The following SENP6 variants were observed in gnomAD, a reference collection of about 807,000 sequenced individuals.
The protein encoded by SENP6 is SUMO specific peptidase 6.
Under a neutral mutation model 134.5 loss-of-function variants are expected in SENP6, and 41 were observed. The observed-to-expected ratio is 0.30, with a 90% CI of 0.24 to 0.40. The LOEUF (loss-of-function observed/expected upper bound fraction) is 0.40. Ranked by LOEUF, SENP6 falls within the 10% of genes least tolerant of loss-of-function variation. The probability of loss-of-function intolerance (pLI) is 1.00; values close to 1 mark genes in which losing one functional copy is unlikely to be tolerated. For synonymous variants in SENP6, 395 were observed against 429.8 expected, an observed-to-expected ratio of 0.92 and a Z score of 1.00; for missense variants, 1,248 against 1,312.5, an observed-to-expected ratio of 0.95 and a Z score of 0.76.
Position 75,602,192 on chromosome 6 carries a change from A to G in SENP6, c.-333A>G. On this transcript the variant is annotated 5_prime_UTR_variant, in exon 1 of 24. Coordinates refer to ENST00000447266, the MANE Select transcript of SENP6 (RefSeq NM_015571.4). Reference sequence around the variant, plus strand: ...CACGGCTGGGGGAAGTTTCTCAGGCAGCCTGGGTGGGCGGTGGATGGGGAG... The same window carrying G: ...CACGGCTGGGGGAAGTTTCTCAGGCGGCCTGGGTGGGCGGTGGATGGGGAG... 1 of 269,476 alleles carries G rather than the reference A, an allele frequency of 3.7e-6. No individual in the cohort carries two copies. The allele number at this position is 269,476 out of a possible 1,614,324, so 16.7% of individuals were successfully genotyped here.
chr6:75,635,191 A>G, intron 5 of SENP6: 1 of 230,096 alleles, frequency 4.3e-6, no homozygotes, highest in Non-Finnish European at 8.8e-6. Context: ...ATAAGAGTTC[A>G]TAGCATCAAA....
chr6:75,608,057 T>TA (rs1243432485), intron 1 of SENP6, among the ~76,000 whole-genome samples: 7 of 152,228 alleles, frequency 4.6e-5, no homozygotes, highest in Non-Finnish European at 8.8e-5. Context: ...ACTCCTTACT[T>TA]AAGTATGTTT....
At chr6:75,622,798 T>C in intron 2 of SENP6, 1 of 1,289,190 alleles carries the variant, frequency 7.8e-7, no homozygotes, top group Non-Finnish European at 1.0e-6. Context: ...ATTACCACTT[T>C]ATGTGCCTTC....
At position 75,630,730 on chromosome 6, in the gene SENP6, T is replaced by G. The variant is rs143377348; in HGVS notation, c.208-2851T>G. Among the ~76,000 whole-genome samples the G allele has an allele frequency of 2.1e-3, 315 of 152,270 alleles. 1 individual carries two copies. Among genetic ancestry groups the G allele is most frequent in the African/African-American group, 7.1e-3 (297 of 41,570 alleles). On this transcript the variant is annotated intron_variant, in intron 3 of 23. Coordinates refer to ENST00000447266, the MANE Select transcript of SENP6 (RefSeq NM_015571.4). The stretch of plus-strand genomic sequence containing the variant: ...TGGGCTTCTGCAGTTTCACTGTGCT[T>G]CTTTTAAGGGATTTATATCTTTTGT...
intron 16 of SENP6, among the ~76,000 whole-genome samples, chr6:75,683,179 T>A (rs1054224367): frequency 1.8e-4 from 28 of 152,240 alleles, no homozygotes; most frequent in African/African-American, 6.8e-4. Context: ...CATTTTTTCA[T>A]GTGTCTGTTC....
intron 1 of SENP6, among the ~76,000 whole-genome samples, chr6:75,612,157 T>C (rs1582659277): frequency 6.6e-6 from 1 of 152,098 alleles, no homozygotes; most frequent in Non-Finnish European, 1.5e-5. Context: ...GGAAGTTCCA[T>C]GTCTGCAGTC....
chr6:75,603,615 A>G (rs1383623270), intron 1 of SENP6, among the ~76,000 whole-genome samples: 1 of 152,226 alleles, frequency 6.6e-6, no homozygotes, highest in African/African-American at 2.4e-5. Context: ...AAGAAAGTAC[A>G]ATTTAACTTA....
intron 9 of SENP6, among the ~76,000 whole-genome samples, chr6:75,663,825 G>T (rs866846650): frequency 2.7e-5 from 4 of 149,068 alleles, no homozygotes; most frequent in Admixed American, 6.6e-5. Context: ...TTTTTGTGGG[G>T]GGGGGGGTGC....
chr6:75,717,582 C>A lies in SENP6; in HGVS notation c.*1988C>A, dbSNP rs973742646. 2 of 152,018 alleles carry A rather than the reference C, an allele frequency of 1.3e-5. No individual in the cohort carries two copies. The highest frequency in any genetic ancestry group is 2.1e-4 in the South Asian group (1 of 4,832). The allele number at this position is 152,018 out of a possible 1,614,324, so 9.4% of individuals were successfully genotyped here. A position where few individuals can be genotyped will look rare whatever the true frequency, so the allele number is the denominator to read the frequency against. On this transcript the variant is annotated 3_prime_UTR_variant, in exon 24 of 24. Transcript: ENST00000447266. ...GTGACATTGCAATATATATTGAAAT[C>A]TTCGGAGGCTGCCAGGTTGAGCTTC...
chr6:75,636,859 A>AT (rs1025353740), intron 5 of SENP6, among the ~76,000 whole-genome samples: 12 of 147,040 alleles, frequency 8.2e-5, no homozygotes, highest in Admixed American at 7.8e-4. Context: ...AAATTTTCTT[A>AT]TTTTCTGAAG....
At chr6:75,617,335 G>GT (rs1411498357) in intron 1 of SENP6, among the ~76,000 whole-genome samples, 2 of 134,056 alleles carry the variant, frequency 1.5e-5, no homozygotes, top group Non-Finnish European at 3.1e-5. Flanking sequence ...GTGCAATGGC[G>GT]TGATCTTGGC....
At chr6:75,666,183 GATATATATAAAACGTATATATGAT>G (rs1217642295) in intron 9 of SENP6, among the ~76,000 whole-genome samples, 14 of 83,656 alleles carry the variant, frequency 1.7e-4, no homozygotes, top group Non-Finnish European at 4.5e-4. Flanking sequence ...ACGTATATAT[GATATATATAAAACGTATATATGAT>G]ATATATAAGT....
Position 75,626,796 on chromosome 6 carries a change from G to A in SENP6, c.207+2836G>A, listed in dbSNP as rs148096914. Reference sequence around the variant, plus strand: ...ATTTCCCTGTAATCTTGCAAAATATGTAGTCATACTTGAATTTTTGCTGAT... The same window carrying A: ...ATTTCCCTGTAATCTTGCAAAATATATAGTCATACTTGAATTTTTGCTGAT... On this transcript the variant is annotated intron_variant, in intron 3 of 23. Coordinates refer to ENST00000447266, the MANE Select transcript of SENP6 (RefSeq NM_015571.4). Among the ~76,000 whole-genome samples, 80 of 152,180 alleles carry A rather than the reference G, an allele frequency of 5.3e-4. 1 individual carries two copies. Among genetic ancestry groups the A allele is most frequent in the Middle Eastern group, 3.4e-3 (1 of 294 alleles).
chr6:75,635,700 G>A (rs1343722068), intron 5 of SENP6, among the ~76,000 whole-genome samples: 5 of 152,036 alleles, frequency 3.3e-5, no homozygotes, highest in African/African-American at 1.2e-4. Flanking sequence ...ACAAATTACT[G>A]TGCAGACCAA....
chr6:75,694,716 C>T (rs1035816816), intron 16 of SENP6, among the ~76,000 whole-genome samples: 1 of 152,146 alleles, frequency 6.6e-6, no homozygotes, highest in African/African-American at 2.4e-5. Flanking sequence ...TGTATTATCA[C>T]TTCATTTCTA....
chr6:75,652,338 A>G (rs1770932531), intron 7 of SENP6, among the ~76,000 whole-genome samples: 4 of 151,738 alleles, frequency 2.6e-5, no homozygotes, highest in Admixed American at 2.6e-4. Context: ...AGTTTCTATA[A>G]TCTTTTTTTT....
chr6:75,664,422 A>T (rs555412540), intron 9 of SENP6, among the ~76,000 whole-genome samples: 1 of 152,102 alleles, frequency 6.6e-6, no homozygotes, highest in Admixed American at 6.5e-5. Flanking sequence ...ATACATCTAT[A>T]TATGTCAGGT....
At chr6:75,697,283 A>G (rs938392548) in intron 17 of SENP6, 142 bp from the exon 18 acceptor site, 15 of 583,850 alleles carry the variant, frequency 2.6e-5, no homozygotes, top group African/African-American at 5.6e-5. Flanking sequence ...AACAAGTTCT[A>G]TTTTCTTTCC....
intron 1 of SENP6, among the ~76,000 whole-genome samples, chr6:75,604,374 TCA>T (rs1347229220): frequency 1.3e-5 from 2 of 152,168 alleles, no homozygotes; most frequent in Non-Finnish European, 2.9e-5. Context: ...ACGCCCTTAA[TCA>T]CACACAGCAT....
Sources: gnomAD v4.1 joint callset for allele counts (sites outside exome capture counted in the v4.1 genomes callset) on GRCh38, gnomAD v4.1.1 for gene constraint, MANE v1.5 for transcripts, NCBI Gene and HGNC (gene_info 2026-07-23, HGNC 2026-07-21) for gene names.